The following SPTBN2 variants were observed in gnomAD, a reference collection of about 807,000 sequenced individuals.
SPTBN2 encodes the protein spectrin beta chain, non-erythrocytic 2.
In SPTBN2, 107 loss-of-function variants were observed where a neutral mutation model predicts 284.2. The ratio of observed to expected loss-of-function variants is 0.38; its 90% confidence interval spans 0.32 to 0.44. SPTBN2 has a LOEUF of 0.44. SPTBN2 is among the 20% of genes least tolerant of loss of function. The pLI is 1.00. For synonymous variants in SPTBN2, 1,289 were observed against 1,354.8 expected (o/e 0.95, Z 1.07); for missense variants, 2,569 against 3,287.1 (o/e 0.78, Z 5.34).
chr11:66,742,037 G>C (rs963574063), intron 1 of SPTBN2, among the ~76,000 whole-genome samples: 1 of 152,082 alleles, frequency 6.6e-6, no homozygotes, highest in Non-Finnish European at 1.5e-5. Context: ...GCCCAGGTTG[G>C]TCTCAAACTC....
At chr11:66,722,575 C>CAAA (rs35183530) in intron 1 of SPTBN2, among the ~76,000 whole-genome samples, 8 of 51,004 alleles carry the variant, frequency 1.6e-4, no homozygotes, top group South Asian at 1.0e-3. Flanking sequence ...GACTCTGTCT[C>CAAA]AAAAAAAAAA....
At chr11:66,689,999 C>T in intron 28 of SPTBN2, 40 bp downstream of exon 28, 1 of 1,614,174 alleles carries the variant, frequency 6.2e-7, no homozygotes, top group Non-Finnish European at 8.5e-7. Flanking sequence ...CACAGCCCAG[C>T]CACACAACCC....
At chr11:66,736,005 T>G (rs1942849220) in intron 1 of SPTBN2, among the ~76,000 whole-genome samples, 1 of 152,214 alleles carries the variant, frequency 6.6e-6, no homozygotes, top group Non-Finnish European at 1.5e-5. Context: ...TTTCCTGTGA[T>G]TACTTAGACC....
At chr11:66,686,541 C>T (rs1001524974) in intron 36 of SPTBN2, 101 bp from the exon 37 acceptor site, 2 of 1,314,272 alleles carry the variant, frequency 1.5e-6, no homozygotes, top group East Asian at 2.3e-5. Context: ...GCTGGGACAT[C>T]TGGCTGCAGC....
intron 1 of SPTBN2, among the ~76,000 whole-genome samples, chr11:66,740,445 T>C (rs1254133845): frequency 2.0e-5 from 3 of 152,174 alleles, no homozygotes; most frequent in Non-Finnish European, 2.9e-5. Flanking sequence ...AATATTCCTC[T>C]GCTAGAACAT....
chr11:66,688,410 A>C, intron 31 of SPTBN2, 99 bp from the exon 32 acceptor site: 1 of 1,539,174 alleles, frequency 6.5e-7, no homozygotes, highest in Non-Finnish European at 8.7e-7. Context: ...TTGATGAAAT[A>C]TGATAAGAGG....
chr11:66,683,180 G>A lies in SPTBN2; in HGVS notation c.*2691C>T, dbSNP rs2135266527. ...CCTCCCGGGTTCACGCCATTCTCCTGCCTCAGCCTCCCAAGTAGCTGGGAC... is the reference window on the plus strand; with the variant it reads ...CCTCCCGGGTTCACGCCATTCTCCTACCTCAGCCTCCCAAGTAGCTGGGAC... On this transcript the variant is annotated 3_prime_UTR_variant, in exon 38 of 38. Coordinates refer to ENST00000533211, the MANE Select transcript of SPTBN2 (RefSeq NM_006946.4). 7.0e-6 allele frequency among the ~76,000 whole-genome samples: 1 copy of A among 143,594 alleles called. No homozygotes were observed. The highest frequency in any genetic ancestry group is 2.6e-5 in the African/African-American group (1 of 38,514). 94.2% of individuals were successfully genotyped at this position (143,594 alleles called of 152,430 possible).
Position 66,693,872 on chromosome 11 carries a change from A to T in SPTBN2, c.4504-11T>A, listed in dbSNP as rs1235418080. The T allele has an allele frequency of 6.2e-7, 1 of 1,613,256 alleles. No individual in the cohort carries two copies. The highest frequency in any genetic ancestry group is 2.2e-5 in the East Asian group (1 of 44,874). Reference sequence around the variant, plus strand: ...CTCTGTCACCCACAACTGGAAGAGGAAGAGGGGGTCAGTGGAGGCCCAGAG... The same window carrying T: ...CTCTGTCACCCACAACTGGAAGAGGTAGAGGGGGTCAGTGGAGGCCCAGAG... On this transcript the variant is annotated splice_polypyrimidine_tract_variant and intron_variant, in intron 22 of 37. Coordinates refer to ENST00000533211, the MANE Select transcript of SPTBN2 (RefSeq NM_006946.4). This position sits in a 1 kb window ranked among gnomAD's most constrained non-coding sequence, Gnocchi z 5.7.
chr11:66,715,179 C>T lies in SPTBN2; in HGVS notation c.483+43G>A. On this transcript the variant is annotated intron_variant, in intron 5 of 37. Transcript: ENST00000533211. The surrounding 1 kb of genome is among the most constrained non-coding windows in gnomAD (Gnocchi z 5.3). ...AGCAGGAACGGCTTGCGGTGCAGAG[C>T]CAGGGCAGGAACCACACCCTGTGTG... The T allele has an allele frequency of 6.2e-7, 1 of 1,613,296 alleles. No homozygotes were observed. Among genetic ancestry groups the T allele is most frequent in the Non-Finnish European group, 8.5e-7 (1 of 1,179,438 alleles).
intron 15 of SPTBN2, among the ~76,000 whole-genome samples, chr11:66,701,985 C>T (rs1220187755): frequency 6.6e-6 from 1 of 152,188 alleles, no homozygotes; most frequent in Non-Finnish European, 1.5e-5. Flanking sequence ...GGAACAGACA[C>T]ACAAGTCAAA....
At chr11:66,722,850 ACCACTG>A (rs1166738115) in intron 1 of SPTBN2, among the ~76,000 whole-genome samples, 2 of 144,364 alleles carry the variant, frequency 1.4e-5, no homozygotes, top group African/African-American at 5.2e-5. Flanking sequence ...CTGAGATTGC[ACCACTG>A]CACTCCAGCC....
Position 66,688,741 on chromosome 11 carries a change from A to T in SPTBN2, c.6143T>A (p.Val2048Asp). ...SAELGCTVDE[V>D]ESLIKRHEAF... The stretch of plus-strand genomic sequence containing the variant: ...CTCGTGCCGCTTGATGAGGCTCTCA[A>T]CTTCGTCGACCGTGCAACCCAGCTC... The change falls in exon 31 of 38, where the codon GTT (valine) becomes GAT (aspartate). Residue 2048 changes from valine (V) to aspartate (D), a missense_variant. Val to Asp is a radical substitution (Grantham distance 152, BLOSUM62 -3). This residue lies in a region of SPTBN2 where 1,130 missense variants were observed against 1,317.3 expected (regional missense o/e 0.86). Coordinates refer to ENST00000533211, the MANE Select transcript of SPTBN2 (RefSeq NM_006946.4). 1.2e-6 allele frequency: 2 copies of T among 1,613,688 alleles called. No individual in the cohort carries two copies. Among genetic ancestry groups the T allele is most frequent in the Non-Finnish European group, 1.7e-6 (2 of 1,180,026 alleles).
At chr11:66,686,556 A>G in intron 36 of SPTBN2, 116 bp from the exon 37 acceptor site, 1 of 1,150,034 alleles carries the variant, frequency 8.7e-7, no homozygotes. Flanking sequence ...TGCAGCCCTC[A>G]GAGCCGGACC....
At chr11:66,689,263 G>A (rs1940369644) in intron 29 of SPTBN2, 83 bp from the exon 30 acceptor site, 2 of 1,410,470 alleles carry the variant, frequency 1.4e-6, no homozygotes, top group Admixed American at 2.2e-5. Flanking sequence ...CAGGGGGACA[G>A]GTGATTTCTT....
At chr11:66,739,372 A>C (rs1004209987) in intron 1 of SPTBN2, among the ~76,000 whole-genome samples, 2 of 152,196 alleles carry the variant, frequency 1.3e-5, no homozygotes, top group South Asian at 4.1e-4. Context: ...AGGATGTCTC[A>C]ATTCTTTTCC....
chr11:66,713,739 G>C lies in SPTBN2; in HGVS notation c.664C>G (p.Leu222Val). Residue 222 changes from leucine to valine, a missense_variant, in exon 8 of 38, where the codon CTG becomes GTG. This residue lies in a region of SPTBN2 where 304 missense variants were observed against 522.1 expected (regional missense o/e 0.58). Transcript: ENST00000533211. ...TTCTTCAGAGACTCAAAATCCAGCA[G>C]GTCTGGCCTGGGTGGGGAGGCAAGA... ...NAIVHKHRPD[L>V]LDFESLKKCN... The C allele has an allele frequency of 6.2e-7, 1 of 1,613,364 alleles. No individual in the cohort carries two copies. Among genetic ancestry groups the C allele is most frequent in the Admixed American group, 1.7e-5 (1 of 60,012 alleles).
rs1163547531 is a variant in SPTBN2, at chr11:66,718,345, G to T, written c.158-2364C>A. On this transcript the variant is annotated intron_variant, in intron 3 of 37. Transcript: ENST00000533211. This position sits in a 1 kb window ranked among gnomAD's most constrained non-coding sequence, Gnocchi z 4.8. ...CCAACACAAACACTGGAGTCACACT[G>T]TGTCCTGTGCCAGGTCCTCAGCTCC... Among the ~76,000 whole-genome samples, 2 of 152,184 alleles carry T rather than the reference G, an allele frequency of 1.3e-5. No homozygotes were observed. Among genetic ancestry groups the T allele is most frequent in the African/African-American group, 4.8e-5 (2 of 41,440 alleles).
At chr11:66,689,070 G>T in intron 30 of SPTBN2, 26 bp downstream of exon 30, 1 of 1,592,624 alleles carries the variant, frequency 6.3e-7, no homozygotes, top group South Asian at 1.1e-5. Context: ...CTCCCCACAG[G>T]GCCTGGGGCC....
In SPTBN2 at chr11:66,687,827, C is replaced by T. The variant is rs748223969; in HGVS notation, c.6501+41G>A. 1.2e-5 allele frequency: 20 copies of T among 1,613,104 alleles called. No individual in the cohort carries two copies. Among genetic ancestry groups the T allele is most frequent in the Middle Eastern group, 1.6e-4 (1 of 6,080 alleles). On this transcript the variant is annotated intron_variant, in intron 34 of 37. Transcript: ENST00000533211. The surrounding 1 kb of genome is among the most constrained non-coding windows in gnomAD (Gnocchi z 5.2). The stretch of plus-strand genomic sequence containing the variant: ...CACTCACCACCCCCTCTGGACCCTT[C>T]GCCTCACAGTTATCAACACCACACT...
Sources: gnomAD v4.1 joint callset for allele counts (sites outside exome capture counted in the v4.1 genomes callset) on GRCh38, gnomAD v4.1.1 for gene constraint, gnomAD v4.1.1 regional missense constraint, Gnocchi (gnomAD v3.1) non-coding constraint, MANE v1.5 for transcripts, NCBI Gene and HGNC (gene_info 2026-07-23, HGNC 2026-07-21) for gene names.